LHX8: variants seen among roughly 807,000 people sequenced by gnomAD.
The protein encoded by LHX8 is LIM homeobox 8, also known as LIM/homeobox protein Lhx8.
Under a neutral mutation model 40.3 loss-of-function variants are expected in LHX8, and 12 were observed. The ratio of observed to expected loss-of-function variants is 0.30; its 90% CI spans 0.19 to 0.48. The LOEUF (loss-of-function observed/expected upper bound fraction) is 0.48. Ranked by LOEUF, LHX8 falls within the 20% of genes least tolerant of loss-of-function variation. The pLI is 0.99. For missense variants in LHX8, 344 were observed against 433.7 expected (o/e 0.79, Z 1.84); for synonymous variants, 179 against 162.0 (o/e 1.10, Z -0.80).
the LHX8 span, among the ~76,000 whole-genome samples, chr1:75,179,466 T>A: frequency 1.3e-5 from 2 of 152,036 alleles, no homozygotes; most frequent in East Asian, 3.9e-4. Flanking sequence ...TGGTTTGAAG[T>A]CTGTTTTAAA....
downstream of LHX8, among the ~76,000 whole-genome samples, chr1:75,165,206 T>A (rs1649006042): frequency 6.6e-6 from 1 of 152,210 alleles, no homozygotes; most frequent in African/African-American, 2.4e-5. Context: ...TGGTCCTTCA[T>A]ACTTTTTAAA....
chr1:75,136,954 G>T, intron 2 of LHX8, 146 bp from the exon 3 acceptor site: 1 of 966,444 alleles, frequency 1.0e-6, no homozygotes, highest in Non-Finnish European at 1.5e-6. Flanking sequence ...GGGGAAGAGG[G>T]CGAGAATCGT....
intron 8 of LHX8, among the ~76,000 whole-genome samples, chr1:75,158,478 G>A (rs755631157): frequency 3.3e-5 from 5 of 152,110 alleles, no homozygotes; most frequent in Non-Finnish European, 7.4e-5. Flanking sequence ...CAAAGATAAT[G>A]AAGATATATC....
the LHX8 span, among the ~76,000 whole-genome samples, chr1:75,167,828 C>T: frequency 6.6e-6 from 1 of 152,162 alleles, no homozygotes. Context: ...CTGGGCTACA[C>T]GATGGCCCAT....
chr1:75,136,160 T>C (rs911406349), intron 1 of LHX8, among the ~76,000 whole-genome samples: 1 of 152,132 alleles, frequency 6.6e-6, no homozygotes, highest in African/African-American at 2.4e-5. Flanking sequence ...TCTAGTTTCT[T>C]CTCCCACCCC....
intron 3 of LHX8, among the ~76,000 whole-genome samples, chr1:75,139,696 TAAGTTCTTGTAAAG>T (rs1289333487): frequency 6.6e-6 from 1 of 152,208 alleles, no homozygotes; most frequent in Admixed American, 6.5e-5. Flanking sequence ...ATGTAAGTTC[TAAGTTCTTGTAAAG>T]ACCAAAACTT....
At chr1:75,181,903 C>T in the LHX8 span, among the ~76,000 whole-genome samples, 1 of 151,982 alleles carries the variant, frequency 6.6e-6, no homozygotes, top group Admixed American at 6.6e-5. Context: ...ATTAGTCCTT[C>T]GTTGGGTGCA....
the LHX8 span, among the ~76,000 whole-genome samples, chr1:75,189,477 A>G: frequency 6.6e-6 from 1 of 152,226 alleles, no homozygotes; most frequent in African/African-American, 2.4e-5. Flanking sequence ...TTTAGCACAC[A>G]TAGCACATGC....
chr1:75,143,182 G>A lies in LHX8; in HGVS notation c.424G>A (p.Ala142Thr). 6.2e-7 allele frequency: 1 copy of A among 1,613,788 alleles called. No homozygotes were observed. The highest frequency in any genetic ancestry group is 2.2e-5 in the East Asian group (1 of 44,868). Residue 142 changes from alanine to threonine, a missense_variant, in exon 5 of 9, where the codon GCC becomes ACC. This residue lies in a region of LHX8 where 147 missense variants were observed against 250.8 expected (regional missense o/e 0.59). Coordinates refer to ENST00000356261, the MANE Select transcript of LHX8 (RefSeq NM_001256114.2). ...CCATTCTACTGACTGGGTCCGGAGA[G>A]CCAAGGGGAATGTCTATCACTTGGC... ...HIHSTDWVRR[A>T]KGNVYHLACF...
chr1:75,174,926 A>G, the LHX8 span, among the ~76,000 whole-genome samples: 11 of 152,246 alleles, frequency 7.2e-5, no homozygotes, highest in South Asian at 2.3e-3. Context: ...CGAGCAGTGT[A>G]CACTGTACCC....
intron 6 of LHX8, among the ~76,000 whole-genome samples, chr1:75,146,079 A>T (rs1648452422): frequency 6.6e-6 from 1 of 152,164 alleles, no homozygotes; most frequent in South Asian, 2.1e-4. Flanking sequence ...TAGATATTTT[A>T]AAAAACTGAA....
chr1:75,147,002 G>T (rs1648476458), intron 6 of LHX8, among the ~76,000 whole-genome samples: 2 of 152,044 alleles, frequency 1.3e-5, no homozygotes, highest in South Asian at 4.1e-4. Context: ...GACATAATTT[G>T]CTCGTTCTTT....
At chr1:75,182,369 CTTTTTTTTTT>C in the LHX8 span, among the ~76,000 whole-genome samples, 2 of 92,318 alleles carry the variant, frequency 2.2e-5, no homozygotes, top group Non-Finnish European at 4.1e-5. Flanking sequence ...TGCCTATTTC[CTTTTTTTTTT>C]TTTTTTTTTT....
intron 6 of LHX8, among the ~76,000 whole-genome samples, chr1:75,148,109 T>A (rs1648510162): frequency 6.6e-6 from 1 of 152,176 alleles, no homozygotes; most frequent in Non-Finnish European, 1.5e-5. Context: ...AAAACTATGA[T>A]GGAGTTGTTA....
chr1:75,178,402 G>C, the LHX8 span, among the ~76,000 whole-genome samples: 1 of 151,862 alleles, frequency 6.6e-6, no homozygotes, highest in Non-Finnish European at 1.5e-5. Flanking sequence ...TAGTCTTGGG[G>C]GGGTGTATGT....
downstream of LHX8, among the ~76,000 whole-genome samples, chr1:75,162,305 G>T (rs900844712): frequency 6.6e-6 from 1 of 151,538 alleles, no homozygotes; most frequent in African/African-American, 2.4e-5. Flanking sequence ...GTAGCCAGAA[G>T]TCAACCCATC....
chr1:75,146,486 A>G lies in LHX8; in HGVS notation c.685-2101A>G, dbSNP rs544822412. Among the ~76,000 whole-genome samples the G allele has an allele frequency of 1.1e-4, 16 of 152,270 alleles. No individual in the cohort carries two copies. The South Asian group carries it at 3.1e-3, about 30-fold the overall frequency. On this transcript the variant is annotated intron_variant, in intron 6 of 8. Coordinates refer to ENST00000356261, the MANE Select transcript of LHX8 (RefSeq NM_001256114.2). ...AGTGATTATTAATATTAAACACGCC[A>G]AAGTTAGCTCCTGCTTTAGTCTGTT... is the stretch of plus-strand genomic sequence containing the variant.
At chr1:75,179,501 T>TG in the LHX8 span, among the ~76,000 whole-genome samples, 2 of 128,430 alleles carry the variant, frequency 1.6e-5, no homozygotes. Flanking sequence ...CAACCCCTGT[T>TG]GTTTTTTTTT....
chr1:75,173,154 T>C, the LHX8 span, among the ~76,000 whole-genome samples: 2,205 of 152,152 alleles, frequency 0.014, 58 homozygotes, highest in African/African-American at 0.05. Context: ...AACAAGAGAA[T>C]ATTAATATGA....
Sources: gnomAD v4.1 joint callset for allele counts (sites outside exome capture counted in the v4.1 genomes callset) on GRCh38, gnomAD v4.1.1 for gene constraint, gnomAD v4.1.1 regional missense constraint, MANE v1.5 for transcripts, NCBI Gene and HGNC (gene_info 2026-07-23, HGNC 2026-07-21) for gene names.